The following FBXO4 variants were observed in gnomAD, a reference collection of about 807,000 sequenced individuals.
FBXO4 encodes the protein F-box protein 4, also known as F-box only protein 4.
A neutral mutation model predicts 43.7 loss-of-function variants in FBXO4; 36 were observed. The observed-to-expected ratio is 0.82, with a 90% CI of 0.63 to 1.09. The LOEUF is 1.09. Among genes scored for constraint, FBXO4 ranks in the 50% least tolerant of loss-of-function variants. The pLI, the probability that FBXO4 is intolerant of heterozygous loss-of-function variation, is 0.00. For missense variants in FBXO4, 435 were observed against 474.1 expected (o/e 0.92, Z 0.77); for synonymous variants, 180 against 165.6 (o/e 1.09, Z -0.67).
Position 41,934,184 on chromosome 5 carries a change from G to A in FBXO4, c.774G>A (p.Met258Ile). The change falls in exon 5 of 7, where the codon ATG becomes ATA. Residue 258 changes from methionine to isoleucine, a missense_variant. Met to Ile is a conservative substitution (Grantham distance 10). Coordinates refer to ENST00000281623, the MANE Select transcript of FBXO4 (RefSeq NM_012176.3). ...AGCATACAAGTGCAGTTAACAAGAT[G>A]TTCAGTCGACACAATGAAGGTGATG... ...REEHTSAVNK[M>I]FSRHNEGDDQ... 6.2e-7 allele frequency: 1 copy of A among 1,614,080 alleles called. No homozygotes were observed. Among genetic ancestry groups the A allele is most frequent in the East Asian group, 2.2e-5 (1 of 44,866 alleles).
chr5:42,025,894 G>T, the FBXO4 span, among the ~76,000 whole-genome samples: 1 of 151,744 alleles, frequency 6.6e-6, no homozygotes, highest in African/African-American at 2.4e-5. Flanking sequence ...TATTCCATTG[G>T]CCTCTGTGTT....
chr5:41,993,015 T>A, the FBXO4 span, among the ~76,000 whole-genome samples: 1 of 152,224 alleles, frequency 6.6e-6, no homozygotes, highest in African/African-American at 2.4e-5. Context: ...AAACACACTA[T>A]TTTTTAATTT....
At chr5:42,017,125 T>C in the FBXO4 span, among the ~76,000 whole-genome samples, 2 of 151,942 alleles carry the variant, frequency 1.3e-5, no homozygotes, top group Non-Finnish European at 2.9e-5. Context: ...TGAGGAAAAC[T>C]GAGGCAATCG....
At chr5:42,000,568 T>G in the FBXO4 span, among the ~76,000 whole-genome samples, 5 of 152,214 alleles carry the variant, frequency 3.3e-5, no homozygotes, top group African/African-American at 1.2e-4. Flanking sequence ...TTCCTTGCTC[T>G]GCATAAGATT....
chr5:41,945,608 C>T (rs1054406651), downstream of FBXO4, among the ~76,000 whole-genome samples: 1 of 152,162 alleles, frequency 6.6e-6, no homozygotes. Context: ...TTTCACATCA[C>T]CAAGATTCCT....
At chr5:41,975,172 C>T in the FBXO4 span, among the ~76,000 whole-genome samples, 38 of 152,324 alleles carry the variant, frequency 2.5e-4, no homozygotes, top group Admixed American at 6.5e-4. Context: ...CTAGCCCACA[C>T]TTAGCTTCTA....
Position 41,934,306 on chromosome 5 carries a change from AAAGT to A in FBXO4, c.898+4_898+7del, listed in dbSNP as rs1264621381. The A allele has an allele frequency of 6.2e-7, 1 of 1,614,092 alleles. No individual in the cohort carries two copies. The highest frequency in any genetic ancestry group is 1.1e-5 in the South Asian group (1 of 91,074). ...TATGTTGCAAATGCTGAAGCTCATA[AAAGT>A]AAGTACTCATATGTACATTTTTAAG... On this transcript the variant is annotated splice_donor_variant and coding_sequence_variant, in exon 5 of 7. Coordinates refer to ENST00000281623, the MANE Select transcript of FBXO4 (RefSeq NM_012176.3). LOFTEE classifies it high-confidence loss of function.
the FBXO4 span, among the ~76,000 whole-genome samples, chr5:41,974,765 C>A: frequency 6.6e-6 from 1 of 152,054 alleles, no homozygotes. Context: ...GAATCTGGTT[C>A]TGGTGATTGC....
At chr5:41,982,473 T>C in the FBXO4 span, among the ~76,000 whole-genome samples, 1 of 152,208 alleles carries the variant, frequency 6.6e-6, no homozygotes, top group East Asian at 1.9e-4. Context: ...TTTGCATATA[T>C]TTGATGAATA....
chr5:41,974,112 TC>T, the FBXO4 span, among the ~76,000 whole-genome samples: 1 of 152,200 alleles, frequency 6.6e-6, no homozygotes, highest in African/African-American at 2.4e-5. Context: ...GTATGTATCC[TC>T]CTTTTTCTTT....
At chr5:42,000,901 T>C in the FBXO4 span, among the ~76,000 whole-genome samples, 6 of 152,192 alleles carry the variant, frequency 3.9e-5, no homozygotes, top group Non-Finnish European at 7.3e-5. Flanking sequence ...TGTGTTCTTA[T>C]TTCTGGGGTC....
At chr5:42,019,579 T>C in the FBXO4 span, among the ~76,000 whole-genome samples, 1 of 151,678 alleles carries the variant, frequency 6.6e-6, no homozygotes, top group African/African-American at 2.4e-5. Flanking sequence ...TCCTAGCTAC[T>C]CAGGAAGTTG....
At position 41,925,352 on chromosome 5, in the gene FBXO4, C is replaced by T; in HGVS notation, c.43C>T (p.Pro15Ser). ...EPRSGTNSPP[P>S]PFSDWGRLEA... ...GCGCAGCGGAACAAACTCGCCGCCG[C>T]CGCCCTTCAGCGACTGGGGCCGCCT... Residue 15 changes from proline (P) to serine (S), a missense_variant, in exon 1 of 7, where the codon CCG becomes TCG. Transcript: ENST00000281623. The T allele has an allele frequency of 1.5e-6, 2 of 1,369,644 alleles. No individual in the cohort carries two copies. Among genetic ancestry groups the T allele is most frequent in the Non-Finnish European group, 1.9e-6 (2 of 1,057,334 alleles). 84.8% of individuals were successfully genotyped at this position (1,369,644 alleles called of 1,614,324 possible).
At position 41,925,514 on chromosome 5, in the gene FBXO4, A is replaced by AGGC; in HGVS notation, c.189+17_189+19dup. 1 of 1,306,202 alleles carries AGGC rather than the reference A, an allele frequency of 7.7e-7. No homozygotes were observed. Among genetic ancestry groups the AGGC allele is most frequent in the Non-Finnish European group, 9.8e-7 (1 of 1,019,922 alleles). 80.9% of individuals were successfully genotyped at this position (1,306,202 alleles called of 1,614,324 possible). On this transcript the variant is annotated intron_variant, in intron 1 of 6. Coordinates refer to ENST00000281623, the MANE Select transcript of FBXO4 (RefSeq NM_012176.3). ...GCGGCTGCCGGTGAGCGTCGGCCGC[A>AGGC]GGCCGCGGAGGACAGTGGGGCCGGC...
chr5:41,949,093 G>T, the FBXO4 span, among the ~76,000 whole-genome samples: 1 of 152,114 alleles, frequency 6.6e-6, no homozygotes, highest in East Asian at 1.9e-4. Flanking sequence ...TATGACAAAC[G>T]CACAGCCTAT....
At chr5:41,934,409 T>G in intron 5 of FBXO4, 101 bp downstream of exon 5, 1 of 1,548,218 alleles carries the variant, frequency 6.5e-7, no homozygotes, top group Non-Finnish European at 8.7e-7. Context: ...ATATGATGGC[T>G]TATTTTATCA....
the FBXO4 span, among the ~76,000 whole-genome samples, chr5:41,976,740 G>A: frequency 1.3e-5 from 2 of 152,294 alleles, no homozygotes; most frequent in East Asian, 3.9e-4. Context: ...GATGCAAGCT[G>A]CCCATGACTA....
the FBXO4 span, among the ~76,000 whole-genome samples, chr5:41,975,357 A>T: frequency 6.6e-6 from 1 of 152,222 alleles, no homozygotes; most frequent in African/African-American, 2.4e-5. Flanking sequence ...TGCCCAGCAT[A>T]TGTTGTTAGA....
At chr5:41,996,033 C>G in the FBXO4 span, among the ~76,000 whole-genome samples, 3 of 152,306 alleles carry the variant, frequency 2.0e-5, no homozygotes, top group South Asian at 2.1e-4. Context: ...GAACCAGGCC[C>G]TAGTCTTCTC....
Sources: allele counts gnomAD v4.1 joint callset (sites outside exome capture counted in the v4.1 genomes callset), GRCh38; gene constraint gnomAD v4.1.1; transcripts MANE v1.5; gene names NCBI Gene and HGNC (gene_info 2026-07-23, HGNC 2026-07-21).